Variants in LZTFL1 observed in about 807,000 individuals in gnomAD.
LZTFL1 encodes leucine zipper transcription factor like 1.
A neutral mutation model predicts 45.9 loss-of-function variants in LZTFL1; 25 were observed. The observed-to-expected ratio is 0.54, with a 90% CI of 0.40 to 0.76. The LOEUF (loss-of-function observed/expected upper bound fraction) is 0.76. Ranked by LOEUF, LZTFL1 falls within the 30% of genes least tolerant of loss-of-function variation. The pLI is 0.00. For missense variants in LZTFL1, 277 were observed against 331.1 expected (o/e 0.84, Z 1.27); for synonymous variants, 93 against 117.4 (o/e 0.79, Z 1.35).
intron 2 of LZTFL1, among the ~76,000 whole-genome samples, chr3:45,867,147 C>CAAAAAAAAAAAAAAAAAAAAAAAAA (rs58937842): frequency 1.6e-5 from 1 of 63,262 alleles, no homozygotes; most frequent in African/African-American, 6.2e-5. Flanking sequence ...GACTCAATCT[C>CAAAAAAAAAAAAAAAAAAAAAAAAA]AAAAAAAAAA....
intron 2 of LZTFL1, among the ~76,000 whole-genome samples, chr3:45,904,526 C>T (rs934151613): frequency 6.6e-6 from 1 of 152,220 alleles, no homozygotes; most frequent in Non-Finnish European, 1.5e-5. Context: ...GCTATAACTT[C>T]TTCTTTGCCC....
chr3:45,842,669 T>TA (rs913989261), upstream of LZTFL1, among the ~76,000 whole-genome samples: 30 of 152,140 alleles, frequency 2.0e-4, no homozygotes, highest in Non-Finnish European at 3.5e-4. Context: ...TTTTTCCATT[T>TA]AAAAAAAATG....
chr3:45,866,285 T>G (rs1701576710), intron 2 of LZTFL1, among the ~76,000 whole-genome samples: 2 of 152,224 alleles, frequency 1.3e-5, no homozygotes, highest in Non-Finnish European at 2.9e-5. Context: ...TAGTTTATAG[T>G]GCGCTAATCA....
intron 6 of LZTFL1, 40 bp from the exon 7 acceptor site, chr3:45,831,030 C>T: frequency 6.2e-7 from 1 of 1,603,440 alleles, no homozygotes; most frequent in Non-Finnish European, 8.5e-7. Context: ...AGTATTTAAT[C>T]TGTAGGCAGT....
intron 2 of LZTFL1, among the ~76,000 whole-genome samples, chr3:45,860,905 G>T (rs1244570038): frequency 1.3e-5 from 2 of 152,124 alleles, no homozygotes; most frequent in Non-Finnish European, 2.9e-5. Context: ...GAGATTTTCT[G>T]CTGAAATCTT....
chr3:45,900,872 C>G lies in LZTFL1; in HGVS notation c.-215+12248G>C. The G allele has an allele frequency of 6.2e-7, 1 of 1,614,074 alleles. No homozygotes were observed. Among genetic ancestry groups the G allele is most frequent in the Non-Finnish European group, 8.5e-7 (1 of 1,179,940 alleles). ...AATCCACATCTTCCATGGAAGACTA[C>G]GTTAACTTCAACTTCACTGACTTCT... On this transcript the variant is annotated intron_variant, in intron 2 of 4. Coordinates refer to the LZTFL1 transcript ENST00000472635. This position sits in a 1 kb window ranked among gnomAD's most constrained non-coding sequence, Gnocchi z 4.7.
At chr3:45,838,828 G>C (rs936893037) in intron 1 of LZTFL1, among the ~76,000 whole-genome samples, 1 of 152,230 alleles carries the variant, frequency 6.6e-6, no homozygotes, top group Non-Finnish European at 1.5e-5. Context: ...TTAAGGTCTG[G>C]AGGATAGAAT....
intron 2 of LZTFL1, among the ~76,000 whole-genome samples, chr3:45,896,940 A>G (rs1702374923): frequency 2.6e-5 from 4 of 152,184 alleles, no homozygotes; most frequent in South Asian, 4.1e-4. Flanking sequence ...CAGAGAACAC[A>G]TGAGCCAGAG....
chr3:45,914,655 T>A (rs1702863240), intron 1 of LZTFL1, among the ~76,000 whole-genome samples: 1 of 152,206 alleles, frequency 6.6e-6, no homozygotes, highest in African/African-American at 2.4e-5. Context: ...TCCTTTTATT[T>A]ACTGACACCT....
chr3:45,843,556 A>G (rs1701168884), upstream of LZTFL1, among the ~76,000 whole-genome samples: 3 of 152,244 alleles, frequency 2.0e-5, no homozygotes, highest in Admixed American at 2.0e-4. Context: ...AGTGTTATCA[A>G]TTCAAGGGAA....
chr3:45,836,106 T>C (rs184229201), intron 2 of LZTFL1, among the ~76,000 whole-genome samples: 54 of 152,310 alleles, frequency 3.5e-4, no homozygotes, highest in Middle Eastern at 3.4e-3. Context: ...ATCAGTCTTA[T>C]TACATTTAAT....
chr3:45,905,002 T>C (rs1237017766), intron 2 of LZTFL1, among the ~76,000 whole-genome samples: 7 of 152,168 alleles, frequency 4.6e-5, no homozygotes, highest in Non-Finnish European at 8.8e-5. Context: ...CTCCTATACA[T>C]TGGACAGCTT....
upstream of LZTFL1, among the ~76,000 whole-genome samples, chr3:45,842,958 A>G (rs1348104961): frequency 6.6e-6 from 1 of 152,226 alleles, no homozygotes; most frequent in Non-Finnish European, 1.5e-5. Context: ...CTCACATGAT[A>G]CAGAGGTGAT....
intron 2 of LZTFL1, among the ~76,000 whole-genome samples, chr3:45,880,902 G>A (rs1048239015): frequency 6.6e-6 from 1 of 152,118 alleles, no homozygotes; most frequent in African/African-American, 2.4e-5. Context: ...GCTATTTAAT[G>A]TGCTCTGTCT....
intron 4 of LZTFL1, among the ~76,000 whole-genome samples, chr3:45,847,350 A>G (rs1257638947): frequency 6.6e-6 from 1 of 152,114 alleles, no homozygotes; most frequent in Non-Finnish European, 1.5e-5. Flanking sequence ...CCAGACCTCC[A>G]TGATGTTGTC....
At chr3:45,865,595 A>G (rs1382723080) in intron 2 of LZTFL1, among the ~76,000 whole-genome samples, 1 of 152,262 alleles carries the variant, frequency 6.6e-6, no homozygotes, top group African/African-American at 2.4e-5. Flanking sequence ...TTCTTACTCT[A>G]TATTTCTGAA....
chr3:45,914,442 T>C (rs1575315681), intron 1 of LZTFL1, among the ~76,000 whole-genome samples: 1 of 152,144 alleles, frequency 6.6e-6, no homozygotes, highest in Non-Finnish European at 1.5e-5. Context: ...GGCTAATATT[T>C]GAATTTTTTT....
upstream of LZTFL1, among the ~76,000 whole-genome samples, chr3:45,842,416 G>GC (rs1287347192): frequency 6.6e-6 from 1 of 152,208 alleles, no homozygotes; most frequent in Non-Finnish European, 1.5e-5. Context: ...TGTGGCATAG[G>GC]TGACCCCAAG....
intron 2 of LZTFL1, among the ~76,000 whole-genome samples, chr3:45,893,353 C>T (rs1702250205): frequency 2.0e-5 from 3 of 152,132 alleles, no homozygotes; most frequent in Admixed American, 2.0e-4. Flanking sequence ...TGGGGTTTCA[C>T]CATGTTGGCC....
Sources: allele counts gnomAD v4.1 joint callset (sites outside exome capture counted in the v4.1 genomes callset), GRCh38; gene constraint gnomAD v4.1.1; non-coding constraint Gnocchi (gnomAD v3.1); transcripts MANE v1.5; gene names NCBI Gene and HGNC (gene_info 2026-07-23, HGNC 2026-07-21).